ZNF805: variants seen among roughly 807,000 people sequenced by gnomAD.
ZNF805 encodes CTC-444N24.8.
In ZNF805, 7 loss-of-function variants were observed where a neutral mutation model predicts 13.6. The ratio of observed to expected loss-of-function variants is 0.51; its 90% CI spans 0.29 to 0.97. The LOEUF is 0.97. Ranked by LOEUF, ZNF805 falls within the 50% of genes least tolerant of loss-of-function variation. The pLI, the probability that ZNF805 is intolerant of heterozygous loss-of-function variation, is 0.08. For missense variants in ZNF805, 604 were observed against 771.0 expected (o/e 0.78, Z 2.57); for synonymous variants, 293 against 279.8 (o/e 1.05, Z -0.47).
chr19:57,242,088 C>T (rs2087583274), intron 1 of ZNF805, among the ~76,000 whole-genome samples: 1 of 152,226 alleles, frequency 6.6e-6, no homozygotes, highest in African/African-American at 2.4e-5. Flanking sequence ...TAATCCTGAT[C>T]TCCTTAAAGT....
chr19:57,254,274 C>T lies in ZNF805; in HGVS notation c.1455C>T (p.Cys485=), dbSNP rs2087672342. The change falls in exon 4 of 4, where the codon TGC becomes TGT. Residue 485 remains cysteine (C), a synonymous_variant. Coordinates refer to ENST00000414468, the MANE Select transcript of ZNF805 (RefSeq NM_001023563.4). ...SIHTGEKPYE[C]MECGKAFNRR... ...ACACTGGAGAGAAGCCCTATGAGTG[C>T]ATGGAGTGTGGAAAGGCCTTCAACC... is the stretch of plus-strand genomic sequence containing the variant. The T allele has an allele frequency of 1.2e-6, 2 of 1,614,114 alleles. No homozygotes were observed. The highest frequency in any genetic ancestry group is 2.2e-5 in the East Asian group (1 of 44,872).
chr19:57,243,798 C>A, intron 1 of ZNF805, 125 bp from the exon 2 acceptor site: 1 of 1,350,156 alleles, frequency 7.4e-7, no homozygotes, highest in Non-Finnish European at 1.0e-6. Flanking sequence ...CTCCTTCAGC[C>A]TGGTACAAAG....
chr19:57,251,458 T>C (rs1282996668), intron 3 of ZNF805, among the ~76,000 whole-genome samples: 2 of 152,220 alleles, frequency 1.3e-5, no homozygotes, highest in African/African-American at 4.8e-5. Context: ...TGCCTTTTTT[T>C]CAATTAACTT....
rs906418207 is a variant in ZNF805, at chr19:57,253,254, C to T, written c.435C>T (p.Ser145=). 6.4e-7 allele frequency: 1 copy of T among 1,556,590 alleles called. No individual in the cohort carries two copies. Among genetic ancestry groups the T allele is most frequent in the Non-Finnish European group, 8.7e-7 (1 of 1,150,156 alleles). Residue 145 remains serine, a synonymous_variant, in exon 4 of 4, where the codon TCC becomes TCT. Transcript: ENST00000414468. The surrounding 1 kb of genome is among the most constrained non-coding windows in gnomAD (Gnocchi z 4.4). ...AACGCTTGAGACCAGGGTTAGATTC[C>T]CAAAAGGAGAAGCTTCCTGGAAAAA... is the stretch of plus-strand genomic sequence containing the variant. The part of the protein sequence containing the change: ...QGERLRPGLD[S]QKEKLPGKMS...
At chr19:57,243,278 G>A (rs1226065410) in intron 1 of ZNF805, among the ~76,000 whole-genome samples, 1 of 152,130 alleles carries the variant, frequency 6.6e-6, no homozygotes, top group African/African-American at 2.4e-5. Context: ...TTAGCCTCAG[G>A]TCAGTGACTG....
At chr19:57,245,651 T>TGC (rs2087611864) in intron 2 of ZNF805, among the ~76,000 whole-genome samples, 1 of 148,466 alleles carries the variant, frequency 6.7e-6, no homozygotes, top group African/African-American at 2.5e-5. Context: ...TGGTGGCGGG[T>TGC]GCCTGTAGTC....
rs180749605 is a variant in ZNF805, at chr19:57,256,999, C to T, written c.*2296C>T. Among the ~76,000 whole-genome samples the T allele has an allele frequency of 1.9e-4, 29 of 152,192 alleles. No individual in the cohort carries two copies. The highest frequency in any genetic ancestry group is 3.7e-4 in the Non-Finnish European group (25 of 67,990). Reference sequence around the variant, plus strand: ...TCTTAATATGCTTTTGATTATCTTACTCAGTTCTAAGATTGCCTGATTCCT... The same window carrying T: ...TCTTAATATGCTTTTGATTATCTTATTCAGTTCTAAGATTGCCTGATTCCT... On this transcript the variant is annotated 3_prime_UTR_variant, in exon 4 of 4. Transcript: ENST00000414468.
At position 57,245,697 on chromosome 19, in the gene ZNF805, T is replaced by C. The variant is rs572874037; in HGVS notation, c.157+1648T>C. Among the ~76,000 whole-genome samples, 7 of 150,946 alleles carry C rather than the reference T, an allele frequency of 4.6e-5. No homozygotes were observed. The South Asian group carries it at 1.3e-3, about 27-fold the overall frequency. ...GGGAGGCTGAGGCAGGAGAATGGCGTGAACCCAGGAGGCGGAGCTTGCAGT... is the reference window on the plus strand; with the variant it reads ...GGGAGGCTGAGGCAGGAGAATGGCGCGAACCCAGGAGGCGGAGCTTGCAGT... On this transcript the variant is annotated intron_variant, in intron 2 of 3. Transcript: ENST00000414468.
chr19:57,247,625 T>C (rs545403517), intron 2 of ZNF805, among the ~76,000 whole-genome samples: 1 of 152,316 alleles, frequency 6.6e-6, no homozygotes, highest in East Asian at 1.9e-4. Flanking sequence ...CAGGGAGCCA[T>C]TACAATCTCT....
chr19:57,247,324 T>C (rs2087625460), intron 2 of ZNF805, among the ~76,000 whole-genome samples: 1 of 152,198 alleles, frequency 6.6e-6, no homozygotes, highest in South Asian at 2.1e-4. Context: ...ATCCTCCAGC[T>C]CACATCTCTG....
chr19:57,250,371 T>C (rs2087644369), intron 3 of ZNF805, among the ~76,000 whole-genome samples: 1 of 152,200 alleles, frequency 6.6e-6, no homozygotes, highest in Non-Finnish European at 1.5e-5. Context: ...TAGCTGGGAT[T>C]ATAGGCATGC....
chr19:57,253,692 A>G lies in ZNF805; in HGVS notation c.873A>G (p.Glu291=). ...GAGAGAAGCCTTATAAGTGCAGTGA[A>G]TGTGGAAAGGCCTTCACCCACCGCT... is the stretch of plus-strand genomic sequence containing the variant. ...HSGEKPYKCS[E]CGKAFTHRST... is the part of the protein sequence containing the mutation. Residue 291 remains glutamate, a synonymous_variant, in exon 4 of 4, where the codon GAA becomes GAG. Transcript: ENST00000414468. This position sits in a 1 kb window ranked among gnomAD's most constrained non-coding sequence, Gnocchi z 4.4. 2.5e-6 allele frequency: 4 copies of G among 1,613,616 alleles called. No individual in the cohort carries two copies. Among genetic ancestry groups the G allele is most frequent in the Non-Finnish European group, 3.4e-6 (4 of 1,179,894 alleles).
At chr19:57,252,016 T>C (rs2087655072) in intron 3 of ZNF805, among the ~76,000 whole-genome samples, 1 of 152,168 alleles carries the variant, frequency 6.6e-6, no homozygotes. Context: ...GTCCTGAGAG[T>C]GGCACTGCTC....
At chr19:57,245,727 T>G (rs574266440) in intron 2 of ZNF805, among the ~76,000 whole-genome samples, 4 of 150,138 alleles carry the variant, frequency 2.7e-5, no homozygotes, top group Non-Finnish European at 5.9e-5. Flanking sequence ...TGCAGTGAGC[T>G]GAGATTGCAC....
In ZNF805 at chr19:57,240,965, G is replaced by A. The variant is rs143835257; in HGVS notation, c.30+44G>A. 406 of 1,550,048 alleles carry A rather than the reference G, an allele frequency of 2.6e-4. 1 individual carries two copies. In the African/African-American group the frequency reaches 4.1e-3, roughly 16 times the overall value. ...GGCCTTGCTGCTTTTCTGCTAGTTC[G>A]GGGAAGCCTCCTGGGCAGGCCGGAA... On this transcript the variant is annotated intron_variant, in intron 1 of 3. Coordinates refer to ENST00000414468, the MANE Select transcript of ZNF805 (RefSeq NM_001023563.4).
chr19:57,259,360 T>A lies in ZNF805; in HGVS notation c.*4657T>A, dbSNP rs1349234220. ...TTTTCTGGTCTATTTTTCCCTTTTTTTCATATTGGTTAATTTCTGTTGACT... is the reference window on the plus strand; with the variant it reads ...TTTTCTGGTCTATTTTTCCCTTTTTATCATATTGGTTAATTTCTGTTGACT... On this transcript the variant is annotated 3_prime_UTR_variant, in exon 4 of 4. Coordinates refer to ENST00000414468, the MANE Select transcript of ZNF805 (RefSeq NM_001023563.4). Among the ~76,000 whole-genome samples the A allele has an allele frequency of 6.6e-6, 1 of 152,190 alleles. No homozygotes were observed. Among genetic ancestry groups the A allele is most frequent in the Non-Finnish European group, 1.5e-5 (1 of 68,046 alleles).
intron 2 of ZNF805, among the ~76,000 whole-genome samples, chr19:57,247,589 C>T (rs2087626931): frequency 6.6e-6 from 1 of 152,204 alleles, no homozygotes; most frequent in Non-Finnish European, 1.5e-5. Flanking sequence ...AGGCTCAGAA[C>T]AGCACCTGGG....
intron 1 of ZNF805, among the ~76,000 whole-genome samples, chr19:57,241,543 C>A (rs374008860): frequency 7.9e-4 from 121 of 152,256 alleles, no homozygotes; most frequent in African/African-American, 2.2e-3. Flanking sequence ...ACACATCATC[C>A]GAACTCAGCC....
At position 57,240,741 on chromosome 19, in the gene ZNF805, A is replaced by G; in HGVS notation, c.-151A>G. ...GCCGACAGCGACCTCCGCGTCTCGG[A>G]GCGAACCGTGAGCCTCCCCGTAACG... On this transcript the variant is annotated 5_prime_UTR_variant, in exon 1 of 4. Transcript: ENST00000414468. The G allele has an allele frequency of 1.5e-6, 1 of 685,312 alleles. No homozygotes were observed. Among genetic ancestry groups the G allele is most frequent in the South Asian group, 2.3e-5 (1 of 44,020 alleles). 42.5% of individuals were successfully genotyped at this position (685,312 alleles called of 1,614,324 possible). A position where few individuals can be genotyped will look rare whatever the true frequency, so the allele number is the denominator to read the frequency against.
Sources: gnomAD v4.1 joint callset for allele counts (sites outside exome capture counted in the v4.1 genomes callset) on GRCh38, gnomAD v4.1.1 for gene constraint, Gnocchi (gnomAD v3.1) non-coding constraint, MANE v1.5 for transcripts, NCBI Gene and HGNC (gene_info 2026-07-23, HGNC 2026-07-21) for gene names.